Variants in UNC13C observed in about 807,000 individuals in gnomAD.
UNC13C encodes protein unc-13 homolog C.
A neutral mutation model predicts 245.4 loss-of-function variants in UNC13C; 174 were observed. The ratio of observed to expected loss-of-function variants is 0.71; its 90% CI spans 0.63 to 0.80. The LOEUF is 0.80. UNC13C is among the 30% of genes least tolerant of loss of function. The pLI, the probability that UNC13C is intolerant of heterozygous loss-of-function variation, is 0.00. For missense variants in UNC13C, 2,829 were observed against 2,602.9 expected, an observed-to-expected ratio of 1.09 and a Z score of -1.89; for synonymous variants, 992 against 895.1, an observed-to-expected ratio of 1.11 and a Z score of -1.93.
At chr15:54,249,989 C>A (rs982651798) in intron 7 of UNC13C, among the ~76,000 whole-genome samples, 3 of 152,126 alleles carry the variant, frequency 2.0e-5, no homozygotes, top group African/African-American at 7.2e-5. Flanking sequence ...CCAGTCCAGT[C>A]TGGAAGATTA....
At chr15:53,968,091 C>T in the UNC13C span, 1 of 152,072 alleles carries the variant, frequency 6.6e-6, no homozygotes, top group African/African-American at 2.4e-5. Flanking sequence ...TTATTGTTCT[C>T]ATGGTTTTGC....
intron 2 of UNC13C, among the ~76,000 whole-genome samples, chr15:54,130,920 C>A (rs2031378590): frequency 6.6e-6 from 1 of 152,118 alleles, no homozygotes; most frequent in Non-Finnish European, 1.5e-5. Flanking sequence ...AGTTGCGTGA[C>A]CAATGGTGTT....
intron 2 of UNC13C, among the ~76,000 whole-genome samples, chr15:54,036,360 G>A (rs1174862195): frequency 6.6e-6 from 1 of 152,216 alleles, no homozygotes. Flanking sequence ...ATGATCTGGT[G>A]CAGATGGAGA....
At chr15:54,434,778 A>G (rs558285955) in intron 19 of UNC13C, among the ~76,000 whole-genome samples, 6 of 152,298 alleles carry the variant, frequency 3.9e-5, no homozygotes, top group African/African-American at 1.4e-4. Context: ...AAAATAAACT[A>G]TGATCAGAGA....
At chr15:54,491,940 C>A (rs1460409780) in intron 19 of UNC13C, among the ~76,000 whole-genome samples, 1 of 149,972 alleles carries the variant, frequency 6.7e-6, no homozygotes, top group Non-Finnish European at 1.5e-5. Context: ...TGTAGTAAGC[C>A]GAGATCACAC....
In UNC13C at chr15:54,628,530, G is replaced by A. The variant is rs1044461231; in HGVS notation, c.*1417G>A. ...ACTGTTAGGCCACTGCTTTGTTAATGACTCCTCTAAATGCATAGTGTGATG... is the reference window on the plus strand; with the variant it reads ...ACTGTTAGGCCACTGCTTTGTTAATAACTCCTCTAAATGCATAGTGTGATG... On this transcript the variant is annotated 3_prime_UTR_variant, in exon 33 of 33. Coordinates refer to ENST00000260323, the MANE Select transcript of UNC13C (RefSeq NM_001080534.3). The A allele has an allele frequency of 7.2e-5, 11 of 152,522 alleles. No individual in the cohort carries two copies. Among genetic ancestry groups the A allele is most frequent in the African/African-American group, 2.7e-4 (11 of 41,430 alleles). The allele number at this position is 152,522 out of a possible 1,614,324, so 9.4% of individuals were successfully genotyped here.
At chr15:54,503,274 A>G (rs1894312346) in intron 22 of UNC13C, among the ~76,000 whole-genome samples, 1 of 152,164 alleles carries the variant, frequency 6.6e-6, no homozygotes, top group South Asian at 2.1e-4. Context: ...AAGAAATTCT[A>G]TTTTATTGGA....
At chr15:54,590,520 T>C (rs1027590197) in intron 30 of UNC13C, among the ~76,000 whole-genome samples, 1 of 152,170 alleles carries the variant, frequency 6.6e-6, no homozygotes. Context: ...TTAGGTATAT[T>C]CCTAAGGGTT....
At chr15:54,448,873 T>C (rs1284898600) in intron 19 of UNC13C, among the ~76,000 whole-genome samples, 1 of 152,232 alleles carries the variant, frequency 6.6e-6, no homozygotes, top group Non-Finnish European at 1.5e-5. Context: ...CTAGCCTCGA[T>C]GGTCTTTACA....
At chr15:53,949,412 T>C in the UNC13C span, among the ~76,000 whole-genome samples, 1 of 152,220 alleles carries the variant, frequency 6.6e-6, no homozygotes, top group Non-Finnish European at 1.5e-5. Flanking sequence ...TTTGGTTCTA[T>C]GATGTCTGTT....
the UNC13C span, among the ~76,000 whole-genome samples, chr15:53,931,112 A>G: frequency 9.2e-5 from 14 of 152,308 alleles, no homozygotes; most frequent in South Asian, 2.1e-4. Context: ...TGAGCTTACC[A>G]TCTCAGACAG....
intron 2 of UNC13C, among the ~76,000 whole-genome samples, chr15:54,102,997 T>C (rs1008072504): frequency 4.6e-5 from 7 of 152,244 alleles, no homozygotes; most frequent in African/African-American, 1.2e-4. Flanking sequence ...CTTCTAGTCA[T>C]GACAGTCATT....
At chr15:54,037,151 G>T (rs1005015003) in intron 2 of UNC13C, among the ~76,000 whole-genome samples, 1 of 152,236 alleles carries the variant, frequency 6.6e-6, no homozygotes, top group African/African-American at 2.4e-5. Flanking sequence ...AGAAATAGCT[G>T]CCTTGAGTTT....
intron 10 of UNC13C, among the ~76,000 whole-genome samples, chr15:54,277,269 G>A (rs1038847378): frequency 1.3e-5 from 2 of 152,126 alleles, no homozygotes; most frequent in Admixed American, 1.3e-4. Flanking sequence ...AGTAAACTTT[G>A]AAGCTGATTT....
At chr15:54,061,073 A>T (rs530251860) in intron 2 of UNC13C, among the ~76,000 whole-genome samples, 2 of 152,172 alleles carry the variant, frequency 1.3e-5, no homozygotes, top group Admixed American at 6.5e-5. Context: ...CATATGTAAC[A>T]AACGTGCACG....
chr15:54,400,610 T>C (rs1043804653), intron 18 of UNC13C, among the ~76,000 whole-genome samples: 9 of 152,158 alleles, frequency 5.9e-5, no homozygotes, highest in African/African-American at 2.2e-4. Context: ...TATTCCCTTG[T>C]AGTGATGTTA....
intron 30 of UNC13C, among the ~76,000 whole-genome samples, chr15:54,608,595 CAAAT>C (rs1485155933): frequency 2.0e-5 from 3 of 152,124 alleles, no homozygotes; most frequent in Admixed American, 1.3e-4. Context: ...TGTTAACAAA[CAAAT>C]GAAGAAATCA....
At chr15:53,842,913 T>TAC in the UNC13C span, among the ~76,000 whole-genome samples, 3 of 148,140 alleles carry the variant, frequency 2.0e-5, no homozygotes, top group Non-Finnish European at 4.5e-5. Context: ...TATATATATA[T>TAC]ATATAATGTA....
intron 17 of UNC13C, among the ~76,000 whole-genome samples, chr15:54,346,920 T>C (rs1257642141): frequency 6.6e-6 from 1 of 152,180 alleles, no homozygotes; most frequent in East Asian, 1.9e-4. Context: ...GAACAAACGA[T>C]AGTTTCTTTA....
Sources: allele counts gnomAD v4.1 joint callset (sites outside exome capture counted in the v4.1 genomes callset), GRCh38; gene constraint gnomAD v4.1.1; transcripts MANE v1.5; gene names NCBI Gene and HGNC (gene_info 2026-07-23, HGNC 2026-07-21).